Variants in FNIP1 observed in about 807,000 individuals in gnomAD.
The protein encoded by FNIP1 is folliculin-interacting protein 1.
Under a neutral mutation model 124.5 loss-of-function variants are expected in FNIP1, and 40 were observed. The ratio of observed to expected loss-of-function variants is 0.32; its 90% CI spans 0.25 to 0.42. The LOEUF (loss-of-function observed/expected upper bound fraction) is 0.42. Ranked by LOEUF, FNIP1 falls within the 10% of genes least tolerant of loss-of-function variation. The probability of loss-of-function intolerance (pLI) is 1.00; values close to 1 mark genes in which losing one functional copy is unlikely to be tolerated. For missense variants in FNIP1, 1,176 were observed against 1,403.7 expected (o/e 0.84, Z 2.59); for synonymous variants, 472 against 470.6 (o/e 1.00, Z -0.04).
chr5:131,734,482 AT>A (rs1370825336), intron 2 of FNIP1, among the ~76,000 whole-genome samples: 1 of 152,158 alleles, frequency 6.6e-6, no homozygotes, highest in Non-Finnish European at 1.5e-5. Flanking sequence ...AACTAAAGAG[AT>A]TTGGCACAGC....
chr5:131,699,933 A>T (rs1430130311), intron 10 of FNIP1, among the ~76,000 whole-genome samples: 1 of 149,978 alleles, frequency 6.7e-6, no homozygotes, highest in African/African-American at 2.5e-5. Flanking sequence ...AAAAAAAAAA[A>T]AAAAGGGAAT....
intron 11 of FNIP1, among the ~76,000 whole-genome samples, chr5:131,680,416 TTAAAA>T (rs1377664337): frequency 2.6e-5 from 4 of 152,228 alleles, no homozygotes; most frequent in Non-Finnish European, 5.9e-5. Flanking sequence ...GCTAAGAATT[TTAAAA>T]TAAACAAAAA....
At chr5:131,664,325 T>C (rs993252686) in intron 15 of FNIP1, among the ~76,000 whole-genome samples, 13 of 152,158 alleles carry the variant, frequency 8.5e-5, no homozygotes, top group African/African-American at 3.1e-4. Flanking sequence ...TATTAAGAAT[T>C]GGGTTTAATG....
chr5:131,791,840 T>C (rs1196559292), intron 1 of FNIP1, among the ~76,000 whole-genome samples: 1 of 151,492 alleles, frequency 6.6e-6, no homozygotes, highest in Non-Finnish European at 1.5e-5. Flanking sequence ...TTAACAATAA[T>C]ACTATAGTGG....
chr5:131,750,951 A>G (rs1180750249), intron 1 of FNIP1, among the ~76,000 whole-genome samples: 2 of 152,196 alleles, frequency 1.3e-5, no homozygotes, highest in African/African-American at 2.4e-5. Flanking sequence ...GAGAAAATGA[A>G]AAGTTGGGCT....
intron 3 of FNIP1, among the ~76,000 whole-genome samples, chr5:131,730,598 A>G (rs1051396005): frequency 2.6e-5 from 4 of 152,232 alleles, no homozygotes; most frequent in Non-Finnish European, 5.9e-5. Flanking sequence ...CTGTATTAGT[A>G]TATTTATCTT....
Position 131,672,491 on chromosome 5 carries a change from A to C in FNIP1, c.1953T>G (p.Ser651=). 6.2e-7 allele frequency: 1 copy of C among 1,613,616 alleles called. No individual in the cohort carries two copies. The highest frequency in any genetic ancestry group is 8.5e-7 in the Non-Finnish European group (1 of 1,180,042). Residue 651 remains serine (S), a synonymous_variant, in exon 14 of 18, where the codon TCT becomes TCG. Transcript: ENST00000510461. ...CATTTTCTTCTTGGCAGTCAGAAGG[A>C]GAAATCATCTGGCACTCATCTGAAA... The part of the protein sequence containing the change: ...LGISDECQMI[S]PSDCQEENAV...
intron 3 of FNIP1, among the ~76,000 whole-genome samples, chr5:131,723,104 C>T (rs566895251): frequency 6.6e-6 from 1 of 152,178 alleles, no homozygotes; most frequent in South Asian, 2.1e-4. Flanking sequence ...GACATAGAGG[C>T]TTGGGTACTG....
chr5:131,758,462 C>T (rs1771120680), intron 1 of FNIP1, among the ~76,000 whole-genome samples: 1 of 152,184 alleles, frequency 6.6e-6, no homozygotes, highest in African/African-American at 2.4e-5. Context: ...TAACTGAAGA[C>T]AAATGTAAGC....
chr5:131,692,392 A>C (rs1385823445), intron 11 of FNIP1, among the ~76,000 whole-genome samples: 1 of 151,724 alleles, frequency 6.6e-6, no homozygotes, highest in Non-Finnish European at 1.5e-5. Context: ...AATTCTGTTG[A>C]AAGGAATCAA....
chr5:131,693,020 T>TA (rs1768532911), intron 11 of FNIP1, among the ~76,000 whole-genome samples: 1 of 149,504 alleles, frequency 6.7e-6, no homozygotes, highest in African/African-American at 2.5e-5. Flanking sequence ...AAAAATAAAT[T>TA]TAAAAAAAAA....
intron 1 of FNIP1, among the ~76,000 whole-genome samples, chr5:131,762,543 A>G (rs186562135): frequency 3.7e-4 from 57 of 152,364 alleles, no homozygotes; most frequent in African/African-American, 1.1e-3. Context: ...CAAAACTACC[A>G]TGCAATATCA....
chr5:131,779,114 T>A, intron 1 of FNIP1, among the ~76,000 whole-genome samples: 1 of 137,322 alleles, frequency 7.3e-6, no homozygotes. Context: ...ACCTGCACAA[T>A]GTGCACATGT....
intron 1 of FNIP1, among the ~76,000 whole-genome samples, chr5:131,758,419 A>G (rs1771119222): frequency 6.6e-6 from 1 of 152,172 alleles, no homozygotes; most frequent in South Asian, 2.1e-4. Flanking sequence ...ACTGCCTTCC[A>G]CTTCATCATG....
At chr5:131,771,943 C>T (rs544494351) in intron 1 of FNIP1, among the ~76,000 whole-genome samples, 2 of 152,262 alleles carry the variant, frequency 1.3e-5, no homozygotes, top group African/African-American at 2.4e-5. Context: ...TACCATGAGA[C>T]GGGAGTCCAA....
At chr5:131,660,143 C>T (rs139813310) in intron 15 of FNIP1, among the ~76,000 whole-genome samples, 4 of 151,902 alleles carry the variant, frequency 2.6e-5, no homozygotes, top group East Asian at 1.9e-4. Context: ...TGTGGATGGG[C>T]GGCAGAGTGG....
intron 1 of FNIP1, among the ~76,000 whole-genome samples, chr5:131,771,024 G>A (rs1254500895): frequency 6.6e-6 from 1 of 152,092 alleles, no homozygotes. Context: ...TGCCATGCTA[G>A]TGCGCTGCAC....
chr5:131,706,779 C>G (rs1769128285), intron 8 of FNIP1, among the ~76,000 whole-genome samples: 1 of 152,216 alleles, frequency 6.6e-6, no homozygotes, highest in African/African-American at 2.4e-5. Context: ...TGGCATTCCC[C>G]TCTAGGGACT....
intron 15 of FNIP1, among the ~76,000 whole-genome samples, chr5:131,665,633 G>A (rs1767578945): frequency 6.9e-6 from 1 of 144,278 alleles, no homozygotes; most frequent in Non-Finnish European, 1.5e-5. Context: ...ACTGTCACCT[G>A]GCCTGGAGTG....
Sources: allele counts gnomAD v4.1 joint callset (sites outside exome capture counted in the v4.1 genomes callset), GRCh38; gene constraint gnomAD v4.1.1; transcripts MANE v1.5; gene names NCBI Gene and HGNC (gene_info 2026-07-23, HGNC 2026-07-21).